NKAIN2: variants seen among roughly 807,000 people sequenced by gnomAD.
NKAIN2 encodes sodium/potassium-transporting ATPase subunit beta-1-interacting protein 2.
NKAIN2 carries 14 observed loss-of-function variants against 32.6 expected under a neutral mutation model. The ratio of observed to expected loss-of-function variants is 0.43; its 90% CI spans 0.28 to 0.67. NKAIN2 has a LOEUF of 0.67. Ranked by LOEUF, NKAIN2 falls within the 30% of genes least tolerant of loss-of-function variation. The probability of loss-of-function intolerance (pLI) is 0.17; values close to 1 mark genes in which losing one functional copy is unlikely to be tolerated. For missense variants in NKAIN2, 198 were observed against 258.3 expected, an observed-to-expected ratio of 0.77 and a Z score of 1.60; for synonymous variants, 80 against 87.2, an observed-to-expected ratio of 0.92 and a Z score of 0.46.
At chr6:124,227,087 CAAA>C (rs575365216) in intron 1 of NKAIN2, among the ~76,000 whole-genome samples, 1 of 128,168 alleles carries the variant, frequency 7.8e-6, no homozygotes, top group Admixed American at 8.1e-5. Flanking sequence ...CTCTTGGAGG[CAAA>C]AAAAAAAAAG....
intron 4 of NKAIN2, among the ~76,000 whole-genome samples, chr6:124,726,455 C>T (rs1186537829): frequency 3.9e-5 from 6 of 152,028 alleles, no homozygotes; most frequent in East Asian, 1.9e-4. Context: ...CACACTGACA[C>T]CTCACACGGC....
At chr6:124,674,909 G>T (rs1215963740) in intron 4 of NKAIN2, among the ~76,000 whole-genome samples, 1 of 152,010 alleles carries the variant, frequency 6.6e-6, no homozygotes, top group African/African-American at 2.4e-5. Context: ...AAAGTGGCAA[G>T]AGTGGGCATC....
At chr6:124,349,510 C>A (rs771669072) in intron 2 of NKAIN2, among the ~76,000 whole-genome samples, 1 of 152,174 alleles carries the variant, frequency 6.6e-6, no homozygotes, top group Non-Finnish European at 1.5e-5. Flanking sequence ...CATTAATTGT[C>A]AATCATTAAT....
At chr6:123,925,453 T>G (rs1200577119) in intron 1 of NKAIN2, among the ~76,000 whole-genome samples, 1 of 152,216 alleles carries the variant, frequency 6.6e-6, no homozygotes, top group African/African-American at 2.4e-5. Flanking sequence ...TAAAACCTGC[T>G]TATGAATAGA....
chr6:124,414,417 T>G (rs191542645), intron 3 of NKAIN2, among the ~76,000 whole-genome samples: 1 of 152,288 alleles, frequency 6.6e-6, no homozygotes, highest in East Asian at 1.9e-4. Flanking sequence ...AAATTTTGTT[T>G]AGAATTGCTA....
chr6:124,472,132 A>G (rs1244265022), intron 3 of NKAIN2, among the ~76,000 whole-genome samples: 1 of 152,136 alleles, frequency 6.6e-6, no homozygotes, highest in Non-Finnish European at 1.5e-5. Flanking sequence ...ATTAAATCTT[A>G]TACATTTTAC....
At chr6:124,000,605 C>G (rs1340313975) in intron 1 of NKAIN2, among the ~76,000 whole-genome samples, 1 of 151,924 alleles carries the variant, frequency 6.6e-6, no homozygotes, top group Non-Finnish European at 1.5e-5. Flanking sequence ...AATTTTTTCC[C>G]TATACGTCTA....
At chr6:124,806,189 A>G (rs1482042711) in intron 5 of NKAIN2, among the ~76,000 whole-genome samples, 1 of 152,222 alleles carries the variant, frequency 6.6e-6, no homozygotes, top group Non-Finnish European at 1.5e-5. Flanking sequence ...TATAATTGTC[A>G]GATTCACCAA....
intron 1 of NKAIN2, among the ~76,000 whole-genome samples, chr6:123,958,387 G>A (rs868575054): frequency 2.0e-5 from 3 of 152,326 alleles, no homozygotes; most frequent in Admixed American, 6.5e-5. Flanking sequence ...TGTCTGCTCC[G>A]TCACCTCTGT....
At chr6:124,141,575 C>G (rs1178454343) in intron 1 of NKAIN2, among the ~76,000 whole-genome samples, 1 of 151,822 alleles carries the variant, frequency 6.6e-6, no homozygotes, top group Non-Finnish European at 1.5e-5. Context: ...AGTTCATATT[C>G]TATTTTCTTG....
At chr6:124,776,099 G>C (rs1178031498) in intron 4 of NKAIN2, among the ~76,000 whole-genome samples, 2 of 152,172 alleles carry the variant, frequency 1.3e-5, no homozygotes, top group Non-Finnish European at 2.9e-5. Flanking sequence ...TTGCAGTTTG[G>C]ATTGGAGGAG....
At chr6:124,263,351 G>C (rs1440622334) in intron 1 of NKAIN2, among the ~76,000 whole-genome samples, 2 of 152,134 alleles carry the variant, frequency 1.3e-5, no homozygotes, top group African/African-American at 4.8e-5. Context: ...CAGAAGTTTA[G>C]AGTATAACTG....
intron 3 of NKAIN2, among the ~76,000 whole-genome samples, chr6:124,439,053 C>T (rs1256671756): frequency 6.6e-6 from 1 of 152,138 alleles, no homozygotes; most frequent in Admixed American, 6.6e-5. Flanking sequence ...CAGGCATACA[C>T]TTCTTCAGAT....
At position 123,997,194 on chromosome 6, in the gene NKAIN2, T is replaced by C. The variant is rs561027278; in HGVS notation, c.54+192940T>C. ...TTTCTATTTATTTTAGGCTGATATG[T>C]TTTTAATAACTCTAGCTTCATAGAT... is the stretch of plus-strand genomic sequence containing the variant. On this transcript the variant is annotated intron_variant, in intron 1 of 6. Coordinates refer to ENST00000368417, the MANE Select transcript of NKAIN2 (RefSeq NM_001040214.3). 5.3e-5 allele frequency among the ~76,000 whole-genome samples: 8 copies of C among 152,342 alleles called. No homozygotes were observed. In the South Asian group the frequency reaches 1.5e-3, roughly 28 times the overall value.
chr6:124,501,992 G>T (rs1778310949), intron 3 of NKAIN2, among the ~76,000 whole-genome samples: 1 of 152,004 alleles, frequency 6.6e-6, no homozygotes, highest in Admixed American at 6.6e-5. Flanking sequence ...TGTAGTCCCA[G>T]CTACGGAAGG....
intron 4 of NKAIN2, among the ~76,000 whole-genome samples, chr6:124,732,919 C>T (rs1776758304): frequency 6.6e-6 from 1 of 151,658 alleles, no homozygotes. Context: ...TTGGAAGTAA[C>T]CAAGATGTTC....
Position 124,581,307 on chromosome 6 carries a change from C to T in NKAIN2, c.274-76879C>T, listed in dbSNP as rs550959734. Among the ~76,000 whole-genome samples the T allele has an allele frequency of 2.1e-3, 315 of 151,614 alleles. 1 individual carries two copies. The highest frequency in any genetic ancestry group is 7.2e-3 in the African/African-American group (299 of 41,396). ...ACAAAAAATTAGCCAGGCGCGGTGG[C>T]GGGCGCCTGTAGTCCCAGCTACTCG... On this transcript the variant is annotated intron_variant, in intron 3 of 6. Transcript: ENST00000368417.
chr6:124,663,446 A>C (rs935039678), intron 4 of NKAIN2, among the ~76,000 whole-genome samples: 13 of 152,076 alleles, frequency 8.5e-5, no homozygotes, highest in African/African-American at 2.7e-4. Flanking sequence ...AAAAAAAGTT[A>C]CATATTATGC....
At chr6:123,996,350 C>G (rs1381023029) in intron 1 of NKAIN2, among the ~76,000 whole-genome samples, 1 of 51,514 alleles carries the variant, frequency 1.9e-5, no homozygotes, top group Non-Finnish European at 3.6e-5. Flanking sequence ...CCCACCATTC[C>G]CAAAACATTT....
Sources: allele counts gnomAD v4.1 joint callset (sites outside exome capture counted in the v4.1 genomes callset), GRCh38; gene constraint gnomAD v4.1.1; transcripts MANE v1.5; gene names NCBI Gene and HGNC (gene_info 2026-07-23, HGNC 2026-07-21).